CLSTN2: variants seen among roughly 807,000 people sequenced by gnomAD.
CLSTN2 encodes the protein calsyntenin 2.
CLSTN2 carries 48 observed loss-of-function variants against 101.2 expected under a neutral mutation model. That is an observed-to-expected ratio of 0.47 (90% CI 0.38 to 0.60). CLSTN2 has a LOEUF of 0.60. Among genes scored for constraint, CLSTN2 ranks in the 20% least tolerant of loss-of-function variants. CLSTN2 has a pLI of 0.00. For missense variants in CLSTN2, 1,160 were observed against 1,238.2 expected (o/e 0.94, Z 0.95); for synonymous variants, 481 against 463.6 (o/e 1.04, Z -0.48).
chr3:140,135,150 AT>A, intron 1 of CLSTN2, among the ~76,000 whole-genome samples: 2 of 138,076 alleles, frequency 1.4e-5, no homozygotes, highest in South Asian at 4.5e-4. Flanking sequence ...ATATATATAT[AT>A]ATATATATAT....
intron 2 of CLSTN2, among the ~76,000 whole-genome samples, chr3:140,309,386 G>A (rs1369962266): frequency 6.6e-6 from 1 of 152,162 alleles, no homozygotes; most frequent in Admixed American, 6.5e-5. Flanking sequence ...GATGGTCCCA[G>A]GTAAGGCTGG....
chr3:140,141,648 A>G lies in CLSTN2; in HGVS notation c.110-34303A>G, dbSNP rs1244928214. ...GGTCACCTGGTTAGTGTCCATGCCT[A>G]GCACCGGCAGCCAAGCTAGTCAGTT... is the stretch of plus-strand genomic sequence containing the variant. On this transcript the variant is annotated intron_variant, in intron 1 of 16. Transcript: ENST00000458420. Among the ~76,000 whole-genome samples, 8 of 152,340 alleles carry G rather than the reference A, an allele frequency of 5.3e-5. No homozygotes were observed. The East Asian group carries it at 1.2e-3, about 22-fold the overall frequency.
At chr3:140,208,316 T>G (rs1270046075) in intron 2 of CLSTN2, among the ~76,000 whole-genome samples, 3 of 152,224 alleles carry the variant, frequency 2.0e-5, no homozygotes, top group African/African-American at 7.2e-5. Flanking sequence ...AGAAACAGTT[T>G]ACTGCCTCAG....
rs1025773717 is a variant in CLSTN2 at position 140,568,780 on chromosome 3, C to T, written c.*2527C>T. The T allele has an allele frequency of 2.6e-5, 4 of 151,782 alleles. No homozygotes were observed. Among genetic ancestry groups the T allele is most frequent in the African/African-American group, 9.7e-5 (4 of 41,258 alleles). The allele number at this position is 151,782 out of a possible 1,614,324, so 9.4% of individuals were successfully genotyped here. On this transcript the variant is annotated 3_prime_UTR_variant, in exon 17 of 17. Transcript: ENST00000458420. ...TTCCTCATGCTCTCTGGGTGGCTGC[C>T]TTATTCATAGTTGAGAGAGCTGTTA...
rs531697492 is a variant in CLSTN2, at chr3:140,420,802, G to A, written c.638-323G>A. Reference sequence around the variant, plus strand: ...CCCTACATCAGGGACACAATCACACGGCTGTACTTCAGGAGGAAGTCTTCT... The same window carrying A: ...CCCTACATCAGGGACACAATCACACAGCTGTACTTCAGGAGGAAGTCTTCT... On this transcript the variant is annotated intron_variant, in intron 4 of 16. Transcript: ENST00000458420. Among the ~76,000 whole-genome samples, 7 of 152,286 alleles carry A rather than the reference G, an allele frequency of 4.6e-5. No individual in the cohort carries two copies. The East Asian group carries it at 9.7e-4, about 21-fold the overall frequency.
At chr3:140,202,302 G>A (rs1327885785) in intron 2 of CLSTN2, among the ~76,000 whole-genome samples, 2 of 152,174 alleles carry the variant, frequency 1.3e-5, no homozygotes, top group African/African-American at 2.4e-5. Context: ...GAGTGCCAGT[G>A]GCTTATATCA....
intron 2 of CLSTN2, among the ~76,000 whole-genome samples, chr3:140,323,490 TAA>T (rs911119472): frequency 6.6e-6 from 1 of 152,202 alleles, no homozygotes; most frequent in Non-Finnish European, 1.5e-5. Context: ...GCCTCATAGA[TAA>T]AATGATTGGC....
chr3:140,120,026 G>A (rs1056177050), intron 1 of CLSTN2, among the ~76,000 whole-genome samples: 2 of 152,126 alleles, frequency 1.3e-5, no homozygotes, highest in African/African-American at 4.8e-5. Context: ...AGACTTCTGG[G>A]ACCAAATGCG....
chr3:140,201,065 G>T (rs184582523), intron 2 of CLSTN2, among the ~76,000 whole-genome samples: 1 of 152,306 alleles, frequency 6.6e-6, no homozygotes, highest in East Asian at 1.9e-4. Flanking sequence ...ACATAAATGA[G>T]CATAAAGCCC....
At chr3:140,069,525 A>G (rs1426024065) in intron 1 of CLSTN2, among the ~76,000 whole-genome samples, 3 of 152,068 alleles carry the variant, frequency 2.0e-5, no homozygotes, top group African/African-American at 7.2e-5. Context: ...AGTAAGTATG[A>G]CCCTTCCATG....
In CLSTN2 at chr3:140,075,794, G is replaced by T. The variant is rs1310611803; in HGVS notation, c.110-100157G>T. On this transcript the variant is annotated intron_variant, in intron 1 of 16. Coordinates refer to ENST00000458420, the MANE Select transcript of CLSTN2 (RefSeq NM_022131.3). ...TTCTCCGCATGGCACAGTCACTGGG[G>T]ATGTGAACAAGTTGGTGTTCGTGTT... is the stretch of plus-strand genomic sequence containing the variant. 2.6e-5 allele frequency among the ~76,000 whole-genome samples: 4 copies of T among 152,050 alleles called. No individual in the cohort carries two copies. In the South Asian group the frequency reaches 6.2e-4, roughly 24 times the overall value.
chr3:140,352,455 G>A (rs1376017233), intron 2 of CLSTN2, among the ~76,000 whole-genome samples: 1 of 152,200 alleles, frequency 6.6e-6, no homozygotes, highest in Non-Finnish European at 1.5e-5. Context: ...TGGAATTGCT[G>A]TTAAGAATCT....
intron 2 of CLSTN2, among the ~76,000 whole-genome samples, chr3:140,202,469 T>C (rs1435066027): frequency 2.0e-5 from 3 of 152,158 alleles, no homozygotes; most frequent in Non-Finnish European, 4.4e-5. Context: ...GAGGTGTCAT[T>C]GCTGAGTTGG....
chr3:140,159,657 CT>C (rs2010013867), intron 1 of CLSTN2, among the ~76,000 whole-genome samples: 1 of 152,090 alleles, frequency 6.6e-6, no homozygotes, highest in Admixed American at 6.5e-5. Flanking sequence ...AGCAATCACA[CT>C]CCTGGGTATA....
chr3:140,072,047 T>A, intron 1 of CLSTN2, among the ~76,000 whole-genome samples: 1 of 152,258 alleles, frequency 6.6e-6, no homozygotes, highest in East Asian at 1.9e-4. Context: ...TGCAATCTTG[T>A]TGGAGGGTAA....
chr3:140,338,323 A>G (rs899113905), intron 2 of CLSTN2, among the ~76,000 whole-genome samples: 4 of 152,172 alleles, frequency 2.6e-5, no homozygotes, highest in African/African-American at 9.7e-5. Context: ...ATGCAAGTTT[A>G]GGGTCATAAG....
At chr3:140,495,456 CTTTAG>C (rs1399117437) in intron 8 of CLSTN2, among the ~76,000 whole-genome samples, 2 of 152,098 alleles carry the variant, frequency 1.3e-5, no homozygotes, top group African/African-American at 2.4e-5. Flanking sequence ...TGCAGAAGCT[CTTTAG>C]TTTAATTAGA....
intron 1 of CLSTN2, among the ~76,000 whole-genome samples, chr3:140,011,340 G>A (rs1385799998): frequency 2.0e-5 from 3 of 152,262 alleles, no homozygotes; most frequent in East Asian, 1.9e-4. Flanking sequence ...CAGCAGAGCC[G>A]AGGAGCCAGC....
intron 1 of CLSTN2, among the ~76,000 whole-genome samples, chr3:140,006,240 T>C (rs1222312721): frequency 6.6e-6 from 1 of 152,228 alleles, no homozygotes; most frequent in African/African-American, 2.4e-5. Context: ...CATTTTTGCA[T>C]GTGCAAGATA....
Sources: gnomAD v4.1 joint callset for allele counts (sites outside exome capture counted in the v4.1 genomes callset) on GRCh38, gnomAD v4.1.1 for gene constraint, MANE v1.5 for transcripts, NCBI Gene and HGNC (gene_info 2026-07-23, HGNC 2026-07-21) for gene names.